The following STAT2 variants were observed in gnomAD, a reference collection of about 807,000 sequenced individuals.
STAT2 encodes interferon alpha induced transcriptional activator.
Under a neutral mutation model 122.3 loss-of-function variants are expected in STAT2, and 51 were observed. The observed-to-expected ratio is 0.42, with a 90% CI of 0.33 to 0.53. The LOEUF (loss-of-function observed/expected upper bound fraction) is 0.53, where lower values mean the gene tolerates loss of function less well. STAT2 is among the 20% of genes least tolerant of loss of function. The probability of loss-of-function intolerance (pLI) is 0.10; values close to 1 mark genes in which losing one functional copy is unlikely to be tolerated. For missense variants in STAT2, 736 were observed against 1,010.3 expected, an observed-to-expected ratio of 0.73 and a Z score of 3.68; for synonymous variants, 351 against 394.9, an observed-to-expected ratio of 0.89 and a Z score of 1.32.
At chr12:56,347,699 G>C (rs777286888) in intron 19 of STAT2, among the ~76,000 whole-genome samples, 1 of 151,720 alleles carries the variant, frequency 6.6e-6, no homozygotes, top group Admixed American at 6.6e-5. Context: ...ATGGGGTTTC[G>C]CCATGTTGGC....
intron 4 of STAT2, 24 bp from the exon 5 acceptor site, chr12:56,355,556 GT>G: frequency 6.2e-7 from 1 of 1,613,518 alleles, no homozygotes; most frequent in Non-Finnish European, 8.5e-7. Flanking sequence ...CTCTGAGCAC[GT>G]TTTAACTCTG....
rs139491555 is a variant in STAT2, at chr12:56,344,251, T to G, written c.2103-116A>C. The G allele has an allele frequency of 9.3e-4, 1,311 of 1,404,192 alleles. 10 individuals are homozygous for G. The East Asian group carries it at 0.024, about 26-fold the overall frequency. The allele number at this position is 1,404,192 out of a possible 1,614,324, so 87.0% of individuals were successfully genotyped here. ...CAGTAGGGCGGAGGGCTAAAGAGCA[T>G]GGGTTTGGAATCAGGCCTCCTGGAG... On this transcript the variant is annotated intron_variant, in intron 22 of 23. Transcript: ENST00000314128.
intron 1 of STAT2, among the ~76,000 whole-genome samples, chr12:56,359,274 A>C (rs1164498053): frequency 6.6e-6 from 1 of 152,096 alleles, no homozygotes; most frequent in Non-Finnish European, 1.5e-5. Context: ...ACCAAAAAAA[A>C]GTTAAAAAAA....
intron 1 of STAT2, among the ~76,000 whole-genome samples, chr12:56,358,803 G>C (rs1879918784): frequency 6.6e-6 from 1 of 152,106 alleles, no homozygotes; most frequent in Admixed American, 6.5e-5. Flanking sequence ...GGCTGAGGCA[G>C]GAGAATGGCT....
chr12:56,354,809 T>C lies in STAT2; in HGVS notation c.602A>G (p.Glu201Gly). ...CCTTTTGTCCAGTTCATTGAGAGTTTCCTGCAGAATCTTCTGCTCTTTGGT... is the reference window on the plus strand; with the variant it reads ...CCTTTTGTCCAGTTCATTGAGAGTTCCCTGCAGAATCTTCTGCTCTTTGGT... ...HQTKEQKILQ[E>G]TLNELDKRRK... The change falls in exon 7 of 24, where the codon GAA (glutamate) becomes GGA (glycine). Residue 201 changes from glutamate to glycine, a missense_variant. Glu to Gly is a moderately conservative substitution (Grantham distance 98). Coordinates refer to ENST00000314128, the MANE Select transcript of STAT2 (RefSeq NM_005419.4). 1 of 1,614,192 alleles carries C rather than the reference T, an allele frequency of 6.2e-7. No homozygotes were observed. The highest frequency in any genetic ancestry group is 1.6e-4 in the Middle Eastern group (1 of 6,062).
rs1592478668 is a variant in STAT2 at position 56,351,349 on chromosome 12, T to C, written c.884A>G (p.Lys295Arg). The C allele has an allele frequency of 6.2e-7, 1 of 1,614,140 alleles. No homozygotes were observed. Among genetic ancestry groups the C allele is most frequent in the South Asian group, 1.1e-5 (1 of 91,082 alleles). Residue 295 changes from lysine to arginine, a missense_variant, in exon 9 of 24, where the codon AAA (lysine) becomes AGA (arginine). Coordinates refer to ENST00000314128, the MANE Select transcript of STAT2 (RefSeq NM_005419.4). The part of the protein sequence containing the change: ...LVSYQDDPLT[K>R]GVDLRNAQVT... ...CTGGGCGTTGCGTAGGTCCACCCCT[T>C]TGGTCAGAGGGTCATCCTGATAGCT...
At chr12:56,353,013 T>C (rs1206128547) in intron 8 of STAT2, among the ~76,000 whole-genome samples, 4 of 151,040 alleles carry the variant, frequency 2.6e-5, no homozygotes. Context: ...AGACGGAGTC[T>C]CGCTCTGTCA....
intron 19 of STAT2, among the ~76,000 whole-genome samples, chr12:56,347,754 G>A (rs1409682711): frequency 6.6e-6 from 1 of 151,650 alleles, no homozygotes; most frequent in Non-Finnish European, 1.5e-5. Flanking sequence ...CACCCACCTC[G>A]GCCTCCCAAA....
intron 4 of STAT2, 49 bp from the exon 5 acceptor site, chr12:56,355,581 T>G (rs1208200073): frequency 6.2e-7 from 1 of 1,606,932 alleles, no homozygotes; most frequent in Non-Finnish European, 8.5e-7. Flanking sequence ...TTTCATGCCT[T>G]AAGTTCAGGC....
intron 8 of STAT2, among the ~76,000 whole-genome samples, chr12:56,353,731 C>G (rs866398655): frequency 3.3e-5 from 5 of 151,456 alleles, no homozygotes; most frequent in African/African-American, 1.2e-4. Flanking sequence ...TGGTGGCTCA[C>G]GCCTGTAATC....
At position 56,358,340 on chromosome 12, in the gene STAT2, A is replaced by T. The variant is rs199922308; in HGVS notation, c.-8+1718T>A. Among the ~76,000 whole-genome samples the T allele has an allele frequency of 2.2e-4, 33 of 148,650 alleles. No individual in the cohort carries two copies. The East Asian group carries it at 6.4e-3, about 29-fold the overall frequency. ...GGCTCACTGCAAACTCTGCCTCCCG[A>T]GTTGAAGGGATTCTCCTGCCTCAGC... On this transcript the variant is annotated intron_variant, in intron 1 of 23. Coordinates refer to ENST00000314128, the MANE Select transcript of STAT2 (RefSeq NM_005419.4).
At chr12:56,351,508 G>A in intron 8 of STAT2, 58 bp from the exon 9 acceptor site, 1 of 1,567,240 alleles carries the variant, frequency 6.4e-7, no homozygotes, top group African/African-American at 1.4e-5. Context: ...CCCCCATCCA[G>A]GTTCCAAGAT....
chr12:56,354,016 A>AAAAAAAAATATATATATATATATATAT (rs71081350), intron 8 of STAT2, among the ~76,000 whole-genome samples: 1 of 16,678 alleles, frequency 6.0e-5, no homozygotes, highest in Non-Finnish European at 1.6e-4. Context: ...AAAAAAAAAA[A>AAAAAAAAATATATATATATATATATAT]ATATATATAT....
chr12:56,358,811 G>C (rs1033658498), intron 1 of STAT2, among the ~76,000 whole-genome samples: 2 of 152,128 alleles, frequency 1.3e-5, no homozygotes, highest in African/African-American at 4.8e-5. Flanking sequence ...CAGGAGAATG[G>C]CTTGTACCCA....
intron 12 of STAT2, 27 bp downstream of exon 12, chr12:56,350,384 GT>G: frequency 1.9e-6 from 3 of 1,597,932 alleles, no homozygotes; most frequent in Non-Finnish European, 2.6e-6. Context: ...CTGTACAGAT[GT>G]TTGCAGTGTC....
chr12:56,357,700 A>G (rs1879732329), intron 1 of STAT2, among the ~76,000 whole-genome samples: 1 of 147,214 alleles, frequency 6.8e-6, no homozygotes, highest in South Asian at 2.1e-4. Context: ...CTTTAATGGG[A>G]ATTTTCTTTC....
intron 22 of STAT2, among the ~76,000 whole-genome samples, chr12:56,345,522 A>AT (rs1171468029): frequency 2.1e-4 from 5 of 23,672 alleles, no homozygotes; most frequent in Admixed American, 1.2e-3. Flanking sequence ...AAAAAAAAAA[A>AT]AAATATATAT....
At chr12:56,359,572 C>T (rs1449216006) in intron 1 of STAT2, among the ~76,000 whole-genome samples, 1 of 152,158 alleles carries the variant, frequency 6.6e-6, no homozygotes, top group Admixed American at 6.6e-5. Flanking sequence ...ACAATTTTTT[C>T]TCATTATCTC....
intron 8 of STAT2, 100 bp from the exon 9 acceptor site, chr12:56,351,550 G>A: frequency 7.9e-7 from 1 of 1,260,252 alleles, no homozygotes; most frequent in Non-Finnish European, 1.1e-6. Context: ...GTCAGAAACT[G>A]ACTGGGGGGA....
Sources: gnomAD v4.1 joint callset for allele counts (sites outside exome capture counted in the v4.1 genomes callset) on GRCh38, gnomAD v4.1.1 for gene constraint, MANE v1.5 for transcripts, NCBI Gene and HGNC (gene_info 2026-07-23, HGNC 2026-07-21) for gene names.